The following CHM variants were observed in gnomAD, a reference collection of about 807,000 sequenced individuals.
The protein encoded by CHM is rab proteins geranylgeranyltransferase component A 1.
A neutral mutation model predicts 49.0 loss-of-function variants in CHM; 10 were observed. That is an observed-to-expected ratio of 0.20 (90% CI 0.13 to 0.35). CHM has a LOEUF of 0.35. Ranked by LOEUF, CHM falls within the 10% of genes least tolerant of loss-of-function variation. The pLI is 1.00. For missense variants in CHM, 455 were observed against 478.4 expected, an observed-to-expected ratio of 0.95 and a Z score of 0.46; for synonymous variants, 184 against 167.5, an observed-to-expected ratio of 1.10 and a Z score of -0.76.
intron 8 of CHM, among the ~76,000 whole-genome samples, chrX:85,934,106 G>A (rs1185999338): frequency 9.3e-6 from 1 of 107,620 alleles, no homozygotes; most frequent in Non-Finnish European, 1.9e-5. Context: ...TCAGCCTCCT[G>A]AGTAGCTGGG....
At position 86,030,742 on chromosome X, in the gene CHM, C is replaced by T. The variant is rs1175803686; in HGVS notation, c.50-3185G>A. On this transcript the variant is annotated intron_variant, in intron 1 of 14. Coordinates refer to ENST00000357749, the MANE Select transcript of CHM (RefSeq NM_000390.4). ...AGAAATTAGCTGGGTCTTTCAGGGT[C>T]TCTAACAACCCTAACTGAGGAGTGC... 2.7e-5 allele frequency among the ~76,000 whole-genome samples: 3 copies of T among 110,402 alleles called. No individual in the cohort carries two copies. In the Admixed American group the frequency reaches 2.9e-4, roughly 11 times the overall value.
chrX:85,998,311 A>AT (rs1824265086), intron 2 of CHM, among the ~76,000 whole-genome samples: 1 of 111,291 alleles, frequency 9.0e-6, no homozygotes, highest in Admixed American at 9.5e-5. Flanking sequence ...CCTTTCACTC[A>AT]TACTCTCCTT....
chrX:85,884,904 T>G (rs1237525195), intron 12 of CHM, among the ~76,000 whole-genome samples: 3 of 111,098 alleles, frequency 2.7e-5, no homozygotes, highest in African/African-American at 6.5e-5. Context: ...AATTATACAT[T>G]TTATCTTATT....
intron 4 of CHM, chrX:85,971,660 G>A (rs970329238): frequency 1.3e-4 from 28 of 222,044 alleles, no homozygotes; most frequent in African/African-American, 3.9e-4. Context: ...GAAGGGGACC[G>A]GAGCTGGTTG....
intron 2 of CHM, among the ~76,000 whole-genome samples, chrX:86,002,223 T>C (rs1431743346): frequency 1.8e-5 from 2 of 112,127 alleles, no homozygotes; most frequent in African/African-American, 6.5e-5. Context: ...TGACCCGTTT[T>C]AGACTGTGCT....
At chrX:85,934,403 C>T (rs1928648553) in intron 8 of CHM, among the ~76,000 whole-genome samples, 1 of 97,286 alleles carries the variant, frequency 1.0e-5, no homozygotes, top group Non-Finnish European at 2.0e-5. Context: ...TTAGGTATTT[C>T]TCCTAATGTT....
chrX:85,882,036 AATGACTG>A (rs1924792536), intron 12 of CHM, among the ~76,000 whole-genome samples: 1 of 111,638 alleles, frequency 9.0e-6, no homozygotes, highest in African/African-American at 3.3e-5. Context: ...AATACATTTA[AATGACTG>A]ATGTTATAAT....
chrX:86,037,982 A>AT, intron 1 of CHM, among the ~76,000 whole-genome samples: 1 of 111,753 alleles, frequency 8.9e-6, no homozygotes, highest in South Asian at 3.7e-4. Context: ...AGAACACTAA[A>AT]AAAGACACAA....
At position 85,921,369 on chromosome X, in the gene CHM, A is replaced by G. The variant is rs187815220; in HGVS notation, c.1167-10031T>C. Reference sequence around the variant, plus strand: ...TGGTGCAGTTTACAGAAGCCATCCTAAGGCCTAACATAACACCTGGCAAGA... The same window carrying G: ...TGGTGCAGTTTACAGAAGCCATCCTGAGGCCTAACATAACACCTGGCAAGA... On this transcript the variant is annotated intron_variant, in intron 8 of 14. Coordinates refer to ENST00000357749, the MANE Select transcript of CHM (RefSeq NM_000390.4). 3.7e-3 allele frequency among the ~76,000 whole-genome samples: 413 copies of G among 111,580 alleles called. 1 individual carries two copies. The highest frequency in any genetic ancestry group is 0.013 in the African/African-American group (388 of 30,714).
chrX:85,914,259 C>T (rs764569738), intron 8 of CHM, among the ~76,000 whole-genome samples: 21 of 110,793 alleles, frequency 1.9e-4, no homozygotes, highest in African/African-American at 6.9e-4. Flanking sequence ...TCACCATGCT[C>T]CTCTAGGTGG....
At position 85,897,066 on chromosome X, in the gene CHM, T is replaced by A. The variant is rs1195118428; in HGVS notation, c.1414-2782A>T. ...ATAATATATAATACATTACATAATATATTATATATTAATTACATAATATAT... is the reference window on the plus strand; with the variant it reads ...ATAATATATAATACATTACATAATAAATTATATATTAATTACATAATATAT... On this transcript the variant is annotated intron_variant, in intron 11 of 14. Transcript: ENST00000357749. Among the ~76,000 whole-genome samples, 4 of 92,241 alleles carry A rather than the reference T, an allele frequency of 4.3e-5. No homozygotes were observed. In the East Asian group the frequency reaches 1.2e-3, roughly 28 times the overall value. The allele number at this position is 92,241 out of a possible 115,157, so 80.1% of individuals were successfully genotyped here.
chrX:85,950,275 C>T (rs1221899184), intron 8 of CHM, among the ~76,000 whole-genome samples: 7 of 106,015 alleles, frequency 6.6e-5, no homozygotes, highest in Admixed American at 3.1e-4. Context: ...AATATTATAT[C>T]GTTATGAAGT....
intron 2 of CHM, among the ~76,000 whole-genome samples, chrX:86,024,443 G>A (rs1359649150): frequency 8.9e-6 from 1 of 112,281 alleles, no homozygotes; most frequent in Non-Finnish European, 1.9e-5. Flanking sequence ...AGTTGTTTCG[G>A]TTCCCTCACT....
At position 85,963,869 on chromosome X, in the gene CHM, C is replaced by T. The variant is rs779055829; in HGVS notation, c.498G>A (p.Ala166=). ...EQTPSSDPEN[A]LEVNGAEVTG... ...TCACTTCAGCACCATTTACTTCTAG[C>T]GCATTCTCTGGATCGCTGCTTGGAG... The change falls in exon 5 of 15, where the codon GCG becomes GCA. Residue 166 remains alanine, a synonymous_variant. Coordinates refer to ENST00000357749, the MANE Select transcript of CHM (RefSeq NM_000390.4). 1.1e-4 allele frequency: 139 copies of T among 1,208,963 alleles called. No homozygotes were observed. The highest frequency in any genetic ancestry group is 1.5e-4 in the Non-Finnish European group (134 of 894,947).
intron 14 of CHM, among the ~76,000 whole-genome samples, chrX:85,867,947 G>A (rs1222259760): frequency 9.0e-6 from 1 of 110,740 alleles, no homozygotes; most frequent in Non-Finnish European, 1.9e-5. Context: ...AGGTGTACAA[G>A]GTCACTTGAT....
chrX:85,879,722 G>A (rs1256159153), intron 12 of CHM, among the ~76,000 whole-genome samples: 1 of 111,236 alleles, frequency 9.0e-6, no homozygotes, highest in Non-Finnish European at 1.9e-5. Flanking sequence ...GTGCACAAAG[G>A]TGAAGAAAGA....
chrX:86,046,541 C>A (rs1934658398), intron 1 of CHM, among the ~76,000 whole-genome samples: 1 of 112,166 alleles, frequency 8.9e-6, no homozygotes, highest in African/African-American at 3.2e-5. Flanking sequence ...AATTCATTAA[C>A]ACAATGGACA....
At chrX:86,010,237 G>C (rs191945859) in intron 2 of CHM, among the ~76,000 whole-genome samples, 1 of 95,688 alleles carries the variant, frequency 1.0e-5, no homozygotes, top group Non-Finnish European at 2.1e-5. Flanking sequence ...ATAGTGTTAG[G>C]AGAAATACCT....
chrX:86,011,412 CA>C (rs1168241957), intron 2 of CHM, among the ~76,000 whole-genome samples: 1 of 111,343 alleles, frequency 9.0e-6, no homozygotes, highest in Non-Finnish European at 1.9e-5. Context: ...TATATTCAGA[CA>C]GCAAGGTGCA....
Sources: allele counts gnomAD v4.1 joint callset (sites outside exome capture counted in the v4.1 genomes callset), GRCh38; gene constraint gnomAD v4.1.1; transcripts MANE v1.5; gene names NCBI Gene and HGNC (gene_info 2026-07-23, HGNC 2026-07-21).